Variants in PARD6G observed in about 807,000 individuals in gnomAD.
PARD6G encodes partitioning defective 6 homolog gamma.
A neutral mutation model predicts 10.7 loss-of-function variants in PARD6G; 7 were observed. That is an observed-to-expected ratio of 0.66 (90% CI 0.37 to 1.23). PARD6G has a LOEUF of 1.23. PARD6G is among the 50% of genes most tolerant of loss of function. The probability of loss-of-function intolerance (pLI) is 0.02; values close to 1 mark genes in which losing one functional copy is unlikely to be tolerated. For synonymous variants in PARD6G, 287 were observed against 269.4 expected (o/e 1.07, Z -0.64); for missense variants, 548 against 571.8 (o/e 0.96, Z 0.42).
In PARD6G at chr18:80,161,005, T is replaced by C. The variant is rs936683844; in HGVS notation, c.296-399A>G. ...CTCCCATATTTCCTTCTCTCAACTG[T>C]AAGACGGAGGCTCGTTTTTTTCTAA... On this transcript the variant is annotated intron_variant, in intron 2 of 2. Coordinates refer to ENST00000353265, the MANE Select transcript of PARD6G (RefSeq NM_032510.4). This position sits in a 1 kb window ranked among gnomAD's most constrained non-coding sequence, Gnocchi z 4.6. 1.3e-5 allele frequency among the ~76,000 whole-genome samples: 2 copies of C among 152,200 alleles called. No individual in the cohort carries two copies. The highest frequency in any genetic ancestry group is 1.3e-4 in the Admixed American group (2 of 15,286).
intron 2 of PARD6G, chr18:80,177,946 C>T (rs2052825019): frequency 6.7e-6 from 1 of 148,392 alleles, no homozygotes; most frequent in African/African-American, 2.6e-5. Flanking sequence ...ACAAGATAAT[C>T]ACAGTCCAAA....
intron 1 of PARD6G, among the ~76,000 whole-genome samples, chr18:80,218,020 A>C (rs555028053): frequency 3.3e-5 from 5 of 152,250 alleles, no homozygotes; most frequent in African/African-American, 1.2e-4. Context: ...CCTATGATTC[A>C]ATTACCTCCC....
rs778960575 is a variant in PARD6G, at chr18:80,247,262, G to A, written c.72+15C>T. On this transcript the variant is annotated intron_variant, in intron 1 of 2. Coordinates refer to ENST00000353265, the MANE Select transcript of PARD6G (RefSeq NM_032510.4). The surrounding 1 kb of genome is among the most constrained non-coding windows in gnomAD (Gnocchi z 4.2). ...AGACTGGGCGCAGGGCCGCCGGGGCGGGCGGGGGGCTTACCTTGCTCTTGA... is the reference window on the plus strand; with the variant it reads ...AGACTGGGCGCAGGGCCGCCGGGGCAGGCGGGGGGCTTACCTTGCTCTTGA... 3.2e-6 allele frequency: 5 copies of A among 1,566,760 alleles called. No homozygotes were observed. The highest frequency in any genetic ancestry group is 4.3e-6 in the Non-Finnish European group (5 of 1,156,006).
intron 2 of PARD6G, among the ~76,000 whole-genome samples, chr18:80,174,128 C>A (rs1356566580): frequency 6.6e-6 from 1 of 152,174 alleles, no homozygotes; most frequent in African/African-American, 2.4e-5. Context: ...AAGGCTGTGC[C>A]TAGAGCCCTC....
intron 2 of PARD6G, among the ~76,000 whole-genome samples, chr18:80,166,870 C>T (rs1033655810): frequency 6.6e-6 from 1 of 151,890 alleles, no homozygotes; most frequent in Non-Finnish European, 1.5e-5. Context: ...TCTTTTGGGG[C>T]CCCACAACTG....
In PARD6G at chr18:80,160,123, C is replaced by G; in HGVS notation, c.779G>C (p.Gly260Ala). 6.2e-7 allele frequency: 1 copy of G among 1,611,962 alleles called. No individual in the cohort carries two copies. Among genetic ancestry groups the G allele is most frequent in the South Asian group, 1.1e-5 (1 of 91,006 alleles). Residue 260 changes from glycine (G) to alanine (A), a missense_variant, in exon 3 of 3, where the codon GGC (glycine) becomes GCC (alanine). Transcript: ENST00000353265. ...CGGTCCCGAGCTGCCCAACGCGCGGCCGCCGCGCACCACGTTGTTGCGCTG... is the reference window on the plus strand; with the variant it reads ...CGGTCCCGAGCTGCCCAACGCGCGGGCGCCGCGCACCACGTTGTTGCGCTG... ...ANQRNNVVRG[G>A]RALGSSGPPS... is the part of the protein sequence containing the mutation.
chr18:80,159,836 G>A lies in PARD6G; in HGVS notation c.1066C>T (p.Pro356Ser), dbSNP rs1311462763. ...GGCGGCAGCGCCAGGCTGTGACGGGGGTCGGCCCGCAGGGAGCTGAGCAGC... is the reference window on the plus strand; with the variant it reads ...GGCGGCAGCGCCAGGCTGTGACGGGAGTCGGCCCGCAGGGAGCTGAGCAGC... ...QRLLSSLRAD[P>S]RHSLALPPGG... The change falls in exon 3 of 3, where the codon CCC becomes TCC. Residue 356 changes from proline to serine, a missense_variant. Physicochemically the swap from Pro to Ser is moderately conservative, Grantham distance 74. Transcript: ENST00000353265. 1 of 1,492,148 alleles carries A rather than the reference G, an allele frequency of 6.7e-7. No individual in the cohort carries two copies. Among genetic ancestry groups the A allele is most frequent in the South Asian group, 1.3e-5 (1 of 76,760 alleles). 92.4% of individuals were successfully genotyped at this position (1,492,148 alleles called of 1,614,324 possible). A position where few individuals can be genotyped will look rare whatever the true frequency, so the allele number is the denominator to read the frequency against.
At position 80,232,478 on chromosome 18, in the gene PARD6G, G is replaced by C. The variant is rs375898855; in HGVS notation, c.72+14799C>G. Among the ~76,000 whole-genome samples the C allele has an allele frequency of 2.6e-3, 393 of 152,028 alleles. 1 individual carries two copies. Among genetic ancestry groups the C allele is most frequent in the African/African-American group, 9.1e-3 (379 of 41,434 alleles). ...CTCAGAATCATGGTGGGAGGTGAAA[G>C]GCACTTCTTACATGGTGGCAGCAAG... On this transcript the variant is annotated intron_variant, in intron 1 of 2. Coordinates refer to ENST00000353265, the MANE Select transcript of PARD6G (RefSeq NM_032510.4).
At chr18:80,210,544 T>A (rs1240130066) in intron 1 of PARD6G, among the ~76,000 whole-genome samples, 1 of 152,174 alleles carries the variant, frequency 6.6e-6, no homozygotes, top group Admixed American at 6.5e-5. Context: ...GAAAAGCCCT[T>A]CTCATAGGGT....
At chr18:80,240,879 C>A (rs1967482454) in intron 1 of PARD6G, among the ~76,000 whole-genome samples, 1 of 152,158 alleles carries the variant, frequency 6.6e-6, no homozygotes, top group African/African-American at 2.4e-5. Context: ...CCTGACTGAA[C>A]CTTCACTGGT....
intron 2 of PARD6G, among the ~76,000 whole-genome samples, chr18:80,177,934 G>A (rs1463828478): frequency 2.1e-5 from 3 of 144,542 alleles, no homozygotes; most frequent in Non-Finnish European, 3.0e-5. Context: ...ACACACACAT[G>A]CACAAGATAA....
intron 1 of PARD6G, among the ~76,000 whole-genome samples, chr18:80,212,406 G>T (rs1967117960): frequency 6.6e-6 from 1 of 152,208 alleles, no homozygotes; most frequent in South Asian, 2.1e-4. Context: ...TACGTGGCAA[G>T]AAATGACTGC....
chr18:80,168,573 TTGTG>T lies in PARD6G; in HGVS notation c.296-7971_296-7968del, dbSNP rs3051500. On this transcript the variant is annotated intron_variant, in intron 2 of 2. Coordinates refer to ENST00000353265, the MANE Select transcript of PARD6G (RefSeq NM_032510.4). Reference sequence around the variant, plus strand: ...TATCCTGTTTTCAGTCAAATTATGTTTGTGTGTGTGTGTGTGTGTGTGTGTGTGT... The same window carrying T: ...TATCCTGTTTTCAGTCAAATTATGTTTGTGTGTGTGTGTGTGTGTGTGTGT... Among the ~76,000 whole-genome samples, 1,154 of 144,312 alleles carry T rather than the reference TTGTG, an allele frequency of 8.0e-3. 12 individuals carry two copies. Among genetic ancestry groups the T allele is most frequent in the East Asian group, 0.015 (73 of 4,878 alleles). 94.7% of individuals were successfully genotyped at this position (144,312 alleles called of 152,430 possible).
At chr18:80,240,432 C>T (rs1465144628) in intron 1 of PARD6G, among the ~76,000 whole-genome samples, 4 of 152,232 alleles carry the variant, frequency 2.6e-5, no homozygotes, top group South Asian at 2.1e-4. Flanking sequence ...CATCTGAATT[C>T]GACCCAAGGA....
chr18:80,200,502 G>A lies in PARD6G; in HGVS notation c.295+2208C>T, dbSNP rs1966998347. On this transcript the variant is annotated intron_variant, in intron 2 of 2. Coordinates refer to ENST00000353265, the MANE Select transcript of PARD6G (RefSeq NM_032510.4). This position sits in a 1 kb window ranked among gnomAD's most constrained non-coding sequence, Gnocchi z 4.4. ...CCACAGATGAGGACGGTAGAGCTCT[G>A]CGGGATGAGGCGTGTGTTTGTGTCA... Among the ~76,000 whole-genome samples, 1 of 152,138 alleles carries A rather than the reference G, an allele frequency of 6.6e-6. No individual in the cohort carries two copies. The highest frequency in any genetic ancestry group is 2.4e-5 in the African/African-American group (1 of 41,414).
rs12457179 is a variant in PARD6G, at chr18:80,181,892, G to T, written c.295+20818C>A. Among the ~76,000 whole-genome samples the T allele has an allele frequency of 0.15, 23,394 of 152,110 alleles. 2,514 individuals are homozygous for T. The highest frequency in any genetic ancestry group is 0.44 in the East Asian group (2,273 of 5,158). On this transcript the variant is annotated intron_variant, in intron 2 of 2. Coordinates refer to ENST00000353265, the MANE Select transcript of PARD6G (RefSeq NM_032510.4). This position sits in a 1 kb window ranked among gnomAD's most constrained non-coding sequence, Gnocchi z 7.9. ...CTGTCCCTGGGAGGGAAGCAGCCCA[G>T]CCCCGCTGATAGAACCTGCATTTCA... is the stretch of plus-strand genomic sequence containing the variant.
chr18:80,205,364 A>G (rs970560918), intron 1 of PARD6G, among the ~76,000 whole-genome samples: 3 of 152,126 alleles, frequency 2.0e-5, no homozygotes, highest in Non-Finnish European at 1.5e-5. Flanking sequence ...ACTAACATCA[A>G]TCCTTGTCTT....
intron 2 of PARD6G, among the ~76,000 whole-genome samples, chr18:80,186,416 C>T (rs1303464464): frequency 1.4e-5 from 2 of 147,452 alleles, no homozygotes; most frequent in Admixed American, 6.7e-5. Flanking sequence ...CCCTCACACA[C>T]GCATATGCCC....
intron 1 of PARD6G, among the ~76,000 whole-genome samples, chr18:80,234,243 C>T (rs1967393839): frequency 6.6e-6 from 1 of 152,154 alleles, no homozygotes; most frequent in East Asian, 1.9e-4. Flanking sequence ...GTCCCAGCTT[C>T]TCCCACAACA....
Sources: allele counts gnomAD v4.1 joint callset (sites outside exome capture counted in the v4.1 genomes callset), GRCh38; gene constraint gnomAD v4.1.1; non-coding constraint Gnocchi (gnomAD v3.1); transcripts MANE v1.5; gene names NCBI Gene and HGNC (gene_info 2026-07-23, HGNC 2026-07-21).